Variants in LRRC71 observed in about 807,000 individuals in gnomAD.
LRRC71 encodes the protein leucine rich repeat containing 71.
A neutral mutation model predicts 66.6 loss-of-function variants in LRRC71; 54 were observed. That is an observed-to-expected ratio of 0.81 (90% CI 0.65 to 1.02). LRRC71 has a LOEUF of 1.02. LRRC71 is among the 50% of genes least tolerant of loss of function. The pLI, the probability that LRRC71 is intolerant of heterozygous loss-of-function variation, is 0.00. For synonymous variants in LRRC71, 323 were observed against 303.9 expected (o/e 1.06, Z -0.65); for missense variants, 724 against 718.0 (o/e 1.01, Z -0.10).
chr1:156,936,993 C>T (rs529538605), downstream of LRRC71: 152 of 1,613,662 alleles, frequency 9.4e-5, 1 homozygote, highest in Middle Eastern at 1.6e-4. Flanking sequence ...TCTCTGTGGG[C>T]CAGCTCCATA....
intron 12 of LRRC71, 102 bp downstream of exon 12, chr1:156,930,719 C>T: frequency 9.1e-7 from 1 of 1,096,828 alleles, no homozygotes. Flanking sequence ...GTCTCCAGCC[C>T]CATGCTGTGG....
chr1:156,923,727 C>G (rs1214640377), intron 1 of LRRC71, among the ~76,000 whole-genome samples: 1 of 152,228 alleles, frequency 6.6e-6, no homozygotes, highest in Non-Finnish European at 1.5e-5. Context: ...AGAGGGGACC[C>G]CGTTGTCTAC....
At position 156,924,570 on chromosome 1, in the gene LRRC71, C is replaced by G. The variant is rs546131505; in HGVS notation, c.439+18C>G. 29 of 1,550,556 alleles carry G rather than the reference C, an allele frequency of 1.9e-5. 1 individual carries two copies. The highest frequency in any genetic ancestry group is 1.4e-4 in the Admixed American group (7 of 51,004). ...CATCCGCGGTGAGCCCCGCTCCCCC[C>G]ACCCGCCCCAGCTCCCTCCCGCTCC... On this transcript the variant is annotated intron_variant, in intron 3 of 14. Transcript: ENST00000337428.
At chr1:156,937,141 C>A, downstream of LRRC71, 1 of 1,574,832 alleles carries the variant, frequency 6.3e-7, no homozygotes. Context: ...GATCCCTGGG[C>A]CAGGACAGGA....
At chr1:156,922,659 C>T (rs1338551518) in intron 1 of LRRC71, among the ~76,000 whole-genome samples, 1 of 152,198 alleles carries the variant, frequency 6.6e-6, no homozygotes, top group Admixed American at 6.5e-5. Context: ...CAGGGCAGCG[C>T]TCTTTTAGAG....
chr1:156,928,857 C>T (rs929968446), intron 9 of LRRC71, among the ~76,000 whole-genome samples: 5 of 152,090 alleles, frequency 3.3e-5, no homozygotes, highest in African/African-American at 1.2e-4. Context: ...AGGCGTGAGC[C>T]ACTGCACCTG....
Position 156,925,010 on chromosome 1 carries a change from G to A in LRRC71, c.588G>A (p.Thr196=), listed in dbSNP as rs1196362560. ...AGCTCCTGCCTCTCTGTTCATCCAC[G>A]CTCAGGTCAGCAGACTGGGAGGCCC... is the stretch of plus-strand genomic sequence containing the variant. The part of the protein sequence containing the change: ...FIELLPLCSS[T]LRKVSLEGNP... The change falls in exon 5 of 15, where the codon ACG becomes ACA. Residue 196 remains threonine (T), a synonymous_variant. Coordinates refer to ENST00000337428, the MANE Select transcript of LRRC71 (RefSeq NM_144702.3). 1.3e-6 allele frequency: 2 copies of A among 1,551,646 alleles called. No homozygotes were observed. The highest frequency in any genetic ancestry group is 3.9e-5 in the Admixed American group (2 of 50,998).
downstream of LRRC71, chr1:156,935,973 A>G: frequency 6.2e-7 from 1 of 1,603,064 alleles, no homozygotes. Flanking sequence ...AGGAGTGGGG[A>G]CGCAGAGGAT....
At chr1:156,937,312 G>C (rs1475014683), downstream of LRRC71, 3 of 1,613,882 alleles carry the variant, frequency 1.9e-6, no homozygotes, top group African/African-American at 2.7e-5. Context: ...CCACGTCCCT[G>C]AGGGCCAGGC....
At chr1:156,931,274 A>C (rs1654326438) in intron 12 of LRRC71, among the ~76,000 whole-genome samples, 1 of 151,532 alleles carries the variant, frequency 6.6e-6, no homozygotes, top group Non-Finnish European at 1.5e-5. Flanking sequence ...CTCCCTGCAC[A>C]CCCTAGGCAG....
chr1:156,937,334 C>A (rs201607774), downstream of LRRC71: 1 of 1,613,516 alleles, frequency 6.2e-7, no homozygotes, highest in Non-Finnish European at 8.5e-7. Context: ...TGGAGGAGAG[C>A]GGCTGGGGCG....
In LRRC71 at chr1:156,929,746, C is replaced by T; in HGVS notation, c.1240+17C>T. 6.5e-7 allele frequency: 1 copy of T among 1,549,664 alleles called. No homozygotes were observed. Among genetic ancestry groups the T allele is most frequent in the African/African-American group, 1.4e-5 (1 of 73,142 alleles). ...GCAAGGGGAGTAAGTGCGGGTGCCC[C>T]TGGGTGGCATCTTCCTGTGTGGAGG... On this transcript the variant is annotated intron_variant, in intron 11 of 14. Coordinates refer to ENST00000337428, the MANE Select transcript of LRRC71 (RefSeq NM_144702.3).
At chr1:156,939,758 C>T in the LRRC71 span, 1 of 1,613,914 alleles carries the variant, frequency 6.2e-7, no homozygotes, top group African/African-American at 1.3e-5. Flanking sequence ...CCAGGGGGTG[C>T]TTGCCCTGGG....
chr1:156,928,509 CTCCTCT>C (rs1021991765), intron 9 of LRRC71, among the ~76,000 whole-genome samples: 18 of 142,272 alleles, frequency 1.3e-4, no homozygotes, highest in East Asian at 1.2e-3. Context: ...CCTCCTCCTC[CTCCTCT>C]TCCTCTTCCT....
chr1:156,929,695 TAAG>T lies in LRRC71; in HGVS notation c.1210_1212del (p.Lys404del), dbSNP rs1396347465. On this transcript the variant is annotated inframe_deletion, in exon 11 of 15. Transcript: ENST00000337428. The stretch of plus-strand genomic sequence containing the variant: ...GGCAGTCACCCACACAAGGAACCCC[TAAG>T]AAGGAAGATGCCACAAAGGCAGGCA... The T allele has an allele frequency of 8.9e-6, 14 of 1,578,834 alleles. No individual in the cohort carries two copies. Among genetic ancestry groups the T allele is most frequent in the Non-Finnish European group, 1.2e-5 (14 of 1,162,510 alleles).
downstream of LRRC71, among the ~76,000 whole-genome samples, chr1:156,933,567 A>T (rs575672576): frequency 2.6e-5 from 4 of 152,360 alleles, no homozygotes; most frequent in East Asian, 7.7e-4. Flanking sequence ...AGAGGGTGCT[A>T]AACGCTCAAC....
At chr1:156,923,352 G>A (rs1234607091) in intron 1 of LRRC71, among the ~76,000 whole-genome samples, 1 of 152,228 alleles carries the variant, frequency 6.6e-6, no homozygotes, top group Non-Finnish European at 1.5e-5. Flanking sequence ...ACAGCCCTCA[G>A]GTTGGGATGT....
intron 13 of LRRC71, 165 bp from the exon 14 acceptor site, chr1:156,932,259 G>GT (rs1654488608): frequency 3.0e-6 from 2 of 672,742 alleles, no homozygotes; most frequent in Non-Finnish European, 5.3e-6. Flanking sequence ...GATGGGGAGT[G>GT]TGTGAGTAAG....
At chr1:156,936,430 G>T (rs2101707262), downstream of LRRC71, among the ~76,000 whole-genome samples, 1 of 140,396 alleles carries the variant, frequency 7.1e-6, no homozygotes, top group Admixed American at 7.5e-5. Context: ...CCAGGAGTTT[G>T]AGACCAGCCT....
Sources: allele counts gnomAD v4.1 joint callset (sites outside exome capture counted in the v4.1 genomes callset), GRCh38; gene constraint gnomAD v4.1.1; transcripts MANE v1.5; gene names NCBI Gene and HGNC (gene_info 2026-07-23, HGNC 2026-07-21).